XRCC5: variants seen among roughly 807,000 people sequenced by gnomAD.
XRCC5 encodes the protein DNA repair protein Ku80.
A neutral mutation model predicts 95.7 loss-of-function variants in XRCC5; 12 were observed. The observed-to-expected ratio is 0.13, with a 90% confidence interval of 0.08 to 0.20. XRCC5 has a LOEUF of 0.20. Among genes scored for constraint, XRCC5 ranks in the 10% least tolerant of loss-of-function variants. The probability of loss-of-function intolerance (pLI) is 1.00; values close to 1 mark genes in which losing one functional copy is unlikely to be tolerated. For missense variants in XRCC5, 595 were observed against 873.9 expected, an observed-to-expected ratio of 0.68 and a Z score of 4.02; for synonymous variants, 281 against 290.3, an observed-to-expected ratio of 0.97 and a Z score of 0.33.
intron 18 of XRCC5, 46 bp from the exon 19 acceptor site, chr2:216,194,873 G>T: frequency 4.4e-6 from 7 of 1,585,080 alleles, no homozygotes; most frequent in Non-Finnish European, 5.2e-6. Flanking sequence ...ATGGGATTGG[G>T]GTTGATTCTT....
intron 2 of XRCC5, among the ~76,000 whole-genome samples, chr2:216,114,184 C>T (rs925432459): frequency 3.2e-4 from 48 of 152,216 alleles, no homozygotes; most frequent in Middle Eastern, 6.8e-3. Context: ...ACTATGTAAG[C>T]ATCAGCTGTT....
chr2:216,180,874 G>A (rs555101938), intron 16 of XRCC5, among the ~76,000 whole-genome samples: 308 of 150,128 alleles, frequency 2.1e-3, no homozygotes, highest in Non-Finnish European at 2.4e-3. Context: ...GTGCAATGGC[G>A]CGATCTCGGC....
At chr2:216,184,588 T>G (rs914527391) in intron 16 of XRCC5, among the ~76,000 whole-genome samples, 2 of 152,214 alleles carry the variant, frequency 1.3e-5, no homozygotes, top group African/African-American at 4.8e-5. Context: ...ATGATTCTCC[T>G]GCCTCCGCCT....
rs918770200 is a variant in XRCC5, at chr2:216,149,919, G to A, written c.1670+1643G>A. Among the ~76,000 whole-genome samples the A allele has an allele frequency of 7.2e-5, 11 of 152,082 alleles. 1 individual carries two copies. In the South Asian group the frequency reaches 1.5e-3, roughly 20 times the overall value. ...CCTGAGAAGTATCTTACTCACACAC[G>A]CTTGCTCACGCTCCTATTCTCTCTC... On this transcript the variant is annotated intron_variant, in intron 14 of 20. Transcript: ENST00000392132.
chr2:216,125,427 C>T (rs771728993), intron 6 of XRCC5, among the ~76,000 whole-genome samples: 2 of 152,098 alleles, frequency 1.3e-5, no homozygotes, highest in African/African-American at 2.4e-5. Context: ...GAGCTCCCGA[C>T]CTCAGGTGAT....
intron 13 of XRCC5, among the ~76,000 whole-genome samples, chr2:216,147,090 T>TA (rs3836036): frequency 0.88 from 133,208 of 152,054 alleles, 58,417 homozygotes; most frequent in East Asian, 0.92. Context: ...GGTGGTAGAA[T>TA]GGGGTGGAGG....
chr2:216,195,425 CT>C (rs879829969), intron 19 of XRCC5, among the ~76,000 whole-genome samples: 97 of 78,622 alleles, frequency 1.2e-3, no homozygotes, highest in Admixed American at 2.3e-3. Flanking sequence ...TTCTTTCTTT[CT>C]TTTTTTTTTT....
chr2:216,154,559 A>G (rs1688807464), intron 14 of XRCC5, among the ~76,000 whole-genome samples: 1 of 152,158 alleles, frequency 6.6e-6, no homozygotes, highest in Non-Finnish European at 1.5e-5. Flanking sequence ...TTTCCAATTC[A>G]TGCTGCTACC....
intron 16 of XRCC5, among the ~76,000 whole-genome samples, chr2:216,186,396 C>T (rs529281687): frequency 3.9e-5 from 6 of 152,286 alleles, no homozygotes; most frequent in Non-Finnish European, 5.9e-5. Flanking sequence ...AAGAAAACTT[C>T]GCCATTTTCC....
chr2:216,204,220 C>T, intron 19 of XRCC5, 102 bp from the exon 20 acceptor site: 1 of 1,344,710 alleles, frequency 7.4e-7, no homozygotes, highest in East Asian at 2.4e-5. Flanking sequence ...GACTGCTAAG[C>T]AGGCTGCCTT....
intron 16 of XRCC5, among the ~76,000 whole-genome samples, chr2:216,170,660 C>G (rs192395455): frequency 6.6e-6 from 1 of 152,300 alleles, no homozygotes; most frequent in Admixed American, 6.5e-5. Context: ...CATATCATTT[C>G]AGCTTGCATC....
At chr2:216,153,670 G>C (rs1688790539) in intron 14 of XRCC5, among the ~76,000 whole-genome samples, 1 of 152,230 alleles carries the variant, frequency 6.6e-6, no homozygotes, top group Non-Finnish European at 1.5e-5. Context: ...TAGAGAAGAT[G>C]AGAAACTTGC....
rs140705120 is a variant in XRCC5 at position 216,120,340 on chromosome 2, T to C, written c.491+1175T>C. The stretch of plus-strand genomic sequence containing the variant: ...TCATTCGAAAGAGCTACTCTTTTTT[T>C]CCATGAGCAATACAGAAAAGTGCAG... On this transcript the variant is annotated intron_variant, in intron 5 of 20. Transcript: ENST00000392132. Among the ~76,000 whole-genome samples the C allele has an allele frequency of 4.0e-3, 613 of 152,340 alleles. 1 individual carries two copies. Among genetic ancestry groups the C allele is most frequent in the African/African-American group, 0.014 (593 of 41,584 alleles).
intron 8 of XRCC5, among the ~76,000 whole-genome samples, chr2:216,129,406 C>T (rs1696946643): frequency 6.6e-6 from 1 of 152,156 alleles, no homozygotes; most frequent in Non-Finnish European, 1.5e-5. Flanking sequence ...ATGTTGTAGT[C>T]TATTGTAAGT....
intron 16 of XRCC5, among the ~76,000 whole-genome samples, chr2:216,164,754 C>T (rs1689021838): frequency 6.6e-6 from 1 of 152,176 alleles, no homozygotes; most frequent in African/African-American, 2.4e-5. Flanking sequence ...AAACTCATGA[C>T]CACAAATTAC....
At chr2:216,193,808 G>A (rs1305699364) in intron 18 of XRCC5, among the ~76,000 whole-genome samples, 1 of 152,158 alleles carries the variant, frequency 6.6e-6, no homozygotes, top group Non-Finnish European at 1.5e-5. Flanking sequence ...CCATTCATAG[G>A]TACACATGGG....
chr2:216,191,730 G>A (rs1280612246), intron 17 of XRCC5, among the ~76,000 whole-genome samples: 2 of 152,118 alleles, frequency 1.3e-5, no homozygotes, highest in African/African-American at 4.8e-5. Flanking sequence ...TTTTTGAACT[G>A]TAAAAAGATT....
rs1319795179 is a variant in XRCC5 at position 216,122,065 on chromosome 2, G to T, written c.495G>T (p.Leu165Phe). 1 of 1,610,774 alleles carries T rather than the reference G, an allele frequency of 6.2e-7. No homozygotes were observed. Among genetic ancestry groups the T allele is most frequent in the Admixed American group, 1.7e-5 (1 of 59,324 alleles). ...TACTGTTGATCTTTCTTAATAGCTT[G>T]CCTTTCTCACTTGGCAAGGAAGATG... ...KKCDISLQFF[L>F]PFSLGKEDGS... The change falls in exon 6 of 21, where the codon TTG becomes TTT. Residue 165 changes from leucine (L) to phenylalanine (F), a missense_variant. Leu to Phe is a conservative substitution (Grantham distance 22). Transcript: ENST00000392132.
chr2:216,120,193 T>C (rs537352167), intron 5 of XRCC5, among the ~76,000 whole-genome samples: 1 of 152,342 alleles, frequency 6.6e-6, no homozygotes, highest in East Asian at 1.9e-4. Context: ...TGCTTTTAAG[T>C]GACACTTCTT....
Sources: allele counts gnomAD v4.1 joint callset (sites outside exome capture counted in the v4.1 genomes callset), GRCh38; gene constraint gnomAD v4.1.1; transcripts MANE v1.5; gene names NCBI Gene and HGNC (gene_info 2026-07-23, HGNC 2026-07-21).